The following MMP20 variants were observed in gnomAD, a reference collection of about 807,000 sequenced individuals.
MMP20 encodes the protein matrix metallopeptidase 20.
In MMP20, 50 loss-of-function variants were observed where a neutral mutation model predicts 51.8. That is an observed-to-expected ratio of 0.97 (90% CI 0.77 to 1.22). The LOEUF (loss-of-function observed/expected upper bound fraction) is 1.22, where lower values mean the gene tolerates loss of function less well. MMP20 is among the 50% of genes most tolerant of loss of function. The probability of loss-of-function intolerance (pLI) is 0.00; values close to 1 mark genes in which losing one functional copy is unlikely to be tolerated. For missense variants in MMP20, 663 were observed against 601.4 expected, an observed-to-expected ratio of 1.10 and a Z score of -1.07; for synonymous variants, 244 against 216.2, an observed-to-expected ratio of 1.13 and a Z score of -1.13.
chr11:102,601,095 G>A (rs1003028245), intron 6 of MMP20, among the ~76,000 whole-genome samples: 3 of 149,210 alleles, frequency 2.0e-5, no homozygotes, highest in African/African-American at 7.5e-5. Context: ...CACATAGCAC[G>A]TTGCAAATGA....
intron 6 of MMP20, among the ~76,000 whole-genome samples, chr11:102,600,723 G>A (rs1859435265): frequency 6.6e-6 from 1 of 152,130 alleles, no homozygotes; most frequent in South Asian, 2.1e-4. Context: ...CTGACCTCCA[G>A]TGATCCACTC....
chr11:102,625,107 T>C (rs1390822516), intron 1 of MMP20, 87 bp downstream of exon 1: 4 of 1,527,626 alleles, frequency 2.6e-6, no homozygotes, highest in Non-Finnish European at 3.6e-6. Context: ...AAAAGAACAA[T>C]AGAATTTTTT....
At chr11:102,603,697 T>C (rs1315471243) in intron 6 of MMP20, among the ~76,000 whole-genome samples, 1 of 152,302 alleles carries the variant, frequency 6.6e-6, no homozygotes, top group East Asian at 1.9e-4. Flanking sequence ...GCAAGTCCAG[T>C]GCTGGGACCA....
Position 102,577,330 on chromosome 11 carries a change from C to T in MMP20, c.1448G>A (p.Cys483Tyr). The T allele has an allele frequency of 6.2e-7, 1 of 1,609,988 alleles. No individual in the cohort carries two copies. The highest frequency in any genetic ancestry group is 1.1e-5 in the South Asian group (1 of 91,000). The change falls in exon 10 of 10, where the codon TGC (cysteine) becomes TAC (tyrosine). Residue 483 changes from cysteine to tyrosine, a missense_variant. Cys to Tyr is a radical substitution (Grantham distance 194, BLOSUM62 -2). Transcript: ENST00000260228. ...GAGAAGACTAGGCTTTTCTATTTAG[C>T]AACCAATCCAGGAACTAGATTTCAC... ...SVVKSSSWIGC is the reference protein window; with the variant it reads ...SVVKSSSWIGY
intron 1 of MMP20, among the ~76,000 whole-genome samples, chr11:102,618,531 C>A (rs17099130): frequency 0.15 from 22,303 of 151,530 alleles, 2,160 homozygotes; most frequent in South Asian, 0.3. Context: ...CAGTACTAGG[C>A]CTCTACTAAG....
intron 2 of MMP20, among the ~76,000 whole-genome samples, chr11:102,614,894 T>A (rs541893507): frequency 4.6e-5 from 7 of 152,152 alleles, no homozygotes; most frequent in African/African-American, 1.7e-4. Context: ...CAACTTACCA[T>A]CACTGAATGC....
intron 3 of MMP20, 133 bp from the exon 4 acceptor site, chr11:102,610,163 A>G: frequency 9.6e-7 from 1 of 1,038,070 alleles, no homozygotes; most frequent in Non-Finnish European, 1.4e-6. Context: ...TATTTGTTAT[A>G]ATGGGAAGTT....
intron 6 of MMP20, among the ~76,000 whole-genome samples, chr11:102,604,089 C>T (rs1164395156): frequency 6.6e-6 from 1 of 150,904 alleles, no homozygotes. Context: ...TGTCTGACTT[C>T]ACCACCTCCT....
intron 1 of MMP20, among the ~76,000 whole-genome samples, chr11:102,622,356 C>G (rs1267598853): frequency 6.6e-6 from 1 of 152,160 alleles, no homozygotes; most frequent in Non-Finnish European, 1.5e-5. Context: ...ACCTGCTGGC[C>G]TCACCTGTCC....
intron 1 of MMP20, among the ~76,000 whole-genome samples, chr11:102,618,775 T>A (rs1859708452): frequency 6.6e-6 from 1 of 152,252 alleles, no homozygotes; most frequent in Non-Finnish European, 1.5e-5. Flanking sequence ...TGACTTAATT[T>A]ATTCTTTATT....
intron 6 of MMP20, among the ~76,000 whole-genome samples, chr11:102,598,557 A>G (rs550166503): frequency 1.3e-5 from 2 of 152,356 alleles, no homozygotes; most frequent in South Asian, 4.1e-4. Context: ...TACCTGATCA[A>G]CAAGTTTCAT....
intron 1 of MMP20, 109 bp downstream of exon 1, chr11:102,625,085 T>G: frequency 7.0e-7 from 1 of 1,437,818 alleles, no homozygotes; most frequent in Admixed American, 1.7e-5. Context: ...TGGACTTATA[T>G]AAAATGATTT....
At chr11:102,584,571 G>A (rs532745202) in intron 8 of MMP20, among the ~76,000 whole-genome samples, 126 of 152,056 alleles carry the variant, frequency 8.3e-4, no homozygotes, top group African/African-American at 2.9e-3. Context: ...CCATTCCCTG[G>A]GTTGTCTTTT....
At chr11:102,611,125 T>C (rs1859593465) in intron 3 of MMP20, among the ~76,000 whole-genome samples, 2 of 152,206 alleles carry the variant, frequency 1.3e-5, no homozygotes, top group African/African-American at 4.8e-5. Flanking sequence ...TAAGCATGTT[T>C]TCCCCCCAGT....
chr11:102,592,778 C>A (rs989679809), intron 8 of MMP20, among the ~76,000 whole-genome samples: 16 of 152,186 alleles, frequency 1.1e-4, no homozygotes, highest in Admixed American at 7.9e-4. Context: ...TTTGAAGGAG[C>A]TCCTCTCATT....
intron 5 of MMP20, chr11:102,607,868 G>A (rs1859539543): frequency 6.6e-6 from 1 of 152,028 alleles, no homozygotes; most frequent in African/African-American, 2.4e-5. Context: ...TGCCACCAAG[G>A]CTCTGGAGCT....
At chr11:102,603,544 G>T (rs189515260) in intron 6 of MMP20, among the ~76,000 whole-genome samples, 2 of 152,258 alleles carry the variant, frequency 1.3e-5, no homozygotes, top group Admixed American at 6.5e-5. Flanking sequence ...AATACTTCAG[G>T]CCTCACAGGG....
chr11:102,620,075 C>A (rs1310559950), intron 1 of MMP20, among the ~76,000 whole-genome samples: 2 of 152,094 alleles, frequency 1.3e-5, no homozygotes, highest in African/African-American at 4.8e-5. Flanking sequence ...TCACTTCCTA[C>A]CAATTTCTTA....
chr11:102,586,744 GA>G (rs1444110047), intron 8 of MMP20, among the ~76,000 whole-genome samples: 1 of 152,034 alleles, frequency 6.6e-6, no homozygotes, highest in African/African-American at 2.4e-5. Flanking sequence ...GTGAACCCGG[GA>G]GGCGGAGCTT....
Sources: gnomAD v4.1 joint callset for allele counts (sites outside exome capture counted in the v4.1 genomes callset) on GRCh38, gnomAD v4.1.1 for gene constraint, MANE v1.5 for transcripts, NCBI Gene and HGNC (gene_info 2026-07-23, HGNC 2026-07-21) for gene names.